Variants in ISX observed in about 807,000 individuals in gnomAD.
ISX encodes the protein intestine specific homeobox.
Under a neutral mutation model 16.9 loss-of-function variants are expected in ISX, and 15 were observed. The ratio of observed to expected loss-of-function variants is 0.89; its 90% CI spans 0.59 to 1.36. The LOEUF is 1.36. Among genes scored for constraint, ISX ranks in the 40% most tolerant of loss-of-function variants. The pLI, the probability that ISX is intolerant of heterozygous loss-of-function variation, is 0.00. For synonymous variants in ISX, 125 were observed against 119.7 expected (o/e 1.04, Z -0.29); for missense variants, 316 against 306.1 (o/e 1.03, Z -0.24).
intron 2 of ISX, among the ~76,000 whole-genome samples, chr22:35,076,906 G>A (rs567527035): frequency 6.6e-6 from 1 of 152,302 alleles, no homozygotes; most frequent in South Asian, 2.1e-4. Context: ...TGAAAAGGGT[G>A]GCAGTTCCCT....
At chr22:35,073,303 G>A (rs1053626472) in intron 2 of ISX, among the ~76,000 whole-genome samples, 11 of 152,122 alleles carry the variant, frequency 7.2e-5, no homozygotes, top group African/African-American at 2.7e-4. Flanking sequence ...GTAGAGCAGT[G>A]GTCCCCAAAC....
At chr22:35,071,180 C>T (rs910508601) in intron 2 of ISX, among the ~76,000 whole-genome samples, 3 of 152,172 alleles carry the variant, frequency 2.0e-5, no homozygotes, top group Admixed American at 2.0e-4. Flanking sequence ...AAATTCCAAA[C>T]CTTTCTTGCC....
At chr22:35,072,387 G>A (rs361851) in intron 2 of ISX, among the ~76,000 whole-genome samples, 65,480 of 152,136 alleles carry the variant, frequency 0.43, 14,543 homozygotes, top group East Asian at 0.76. Context: ...ATACAAGGAA[G>A]GGGAGGCAAT....
chr22:35,076,750 TA>T (rs1180890309), intron 2 of ISX, among the ~76,000 whole-genome samples: 6 of 152,350 alleles, frequency 3.9e-5, no homozygotes, highest in African/African-American at 1.4e-4. Flanking sequence ...TTAGGTGGCC[TA>T]ATCACCTGTG....
In ISX at chr22:35,079,499, C is replaced by T. The variant is rs141680732; in HGVS notation, c.230-3019C>T. ...AGCTGGTCTCAGATACAGTCAGTTACAGTCCCTACTCAGATACAGTCCCCA... is the reference window on the plus strand; with the variant it reads ...AGCTGGTCTCAGATACAGTCAGTTATAGTCCCTACTCAGATACAGTCCCCA... On this transcript the variant is annotated intron_variant, in intron 2 of 4. Transcript: ENST00000404699. Among the ~76,000 whole-genome samples the T allele has an allele frequency of 7.9e-4, 121 of 152,308 alleles. 1 individual carries two copies. In the East Asian group the frequency reaches 0.018, roughly 23 times the overall value.
Position 35,086,700 on chromosome 22 carries a change from G to A in ISX, c.*1007G>A, listed in dbSNP as rs971466852. ...ACATGAGAGTATTTTGCAAAGTGAG[G>A]GCAAGGCCCAGTGTGGAGTGATATT... On this transcript the variant is annotated 3_prime_UTR_variant, in exon 5 of 5. Transcript: ENST00000404699. The A allele has an allele frequency of 6.6e-6, 1 of 152,194 alleles. No homozygotes were observed. The highest frequency in any genetic ancestry group is 1.5e-5 in the Non-Finnish European group (1 of 68,038). The allele number at this position is 152,194 out of a possible 1,614,324, so 9.4% of individuals were successfully genotyped here. A position where few individuals can be genotyped will look rare whatever the true frequency, so the allele number is the denominator to read the frequency against.
At chr22:35,083,918 C>T (rs1376662416) in intron 3 of ISX, among the ~76,000 whole-genome samples, 1 of 152,242 alleles carries the variant, frequency 6.6e-6, no homozygotes, top group Non-Finnish European at 1.5e-5. Flanking sequence ...CCAAGAGGCC[C>T]CAGGGGTTGA....
Position 35,067,316 on chromosome 22 carries a change from GGTAA to G in ISX, c.229+3_229+6del, listed in dbSNP as rs1569110183. 5 of 1,555,990 alleles carry G rather than the reference GGTAA, an allele frequency of 3.2e-6. No homozygotes were observed. Among genetic ancestry groups the G allele is most frequent in the Non-Finnish European group, 3.5e-6 (4 of 1,147,586 alleles). On this transcript the variant is annotated splice_donor_variant and splice_donor_region_variant and intron_variant, in intron 2 of 4. Transcript: ENST00000404699. LOFTEE classifies it high-confidence loss of function. ...AAAGCCTCCAAAGGACCAGCCCCAGGGTAAGTGTCTTCTGATCATTTCTTTCTGT... is the reference window on the plus strand; with the variant it reads ...AAAGCCTCCAAAGGACCAGCCCCAGGGTGTCTTCTGATCATTTCTTTCTGT...
At position 35,085,542 on chromosome 22, in the gene ISX, G is replaced by T; in HGVS notation, c.587G>T (p.Trp196Leu). ...PSAQDQLASA[W>L]FPAWITLLPA... ...GCTCAAGATCAGCTGGCCTCTGCCT[G>T]GTTCCCTGCCTGGATCACCCTCCTC... Residue 196 changes from tryptophan to leucine, a missense_variant, in exon 5 of 5, where the codon TGG becomes TTG. Physicochemically the swap from Trp to Leu is moderately conservative, Grantham distance 61 (BLOSUM62 -2). Transcript: ENST00000404699. 6.2e-7 allele frequency: 1 copy of T among 1,614,172 alleles called. No individual in the cohort carries two copies. The highest frequency in any genetic ancestry group is 8.5e-7 in the Non-Finnish European group (1 of 1,180,032).
At position 35,067,329 on chromosome 22, in the gene ISX, T is replaced by C. The variant is rs2146285916; in HGVS notation, c.229+13T>C. 1 of 1,529,454 alleles carries C rather than the reference T, an allele frequency of 6.5e-7. No homozygotes were observed. The highest frequency in any genetic ancestry group is 8.9e-7 in the Non-Finnish European group (1 of 1,128,674). The allele number at this position is 1,529,454 out of a possible 1,614,324, so 94.7% of individuals were successfully genotyped here. A position where few individuals can be genotyped will look rare whatever the true frequency, so the allele number is the denominator to read the frequency against. ...GACCAGCCCCAGGGTAAGTGTCTTC[T>C]GATCATTTCTTTCTGTTTCCTGGTC... is the stretch of plus-strand genomic sequence containing the variant. On this transcript the variant is annotated intron_variant, in intron 2 of 4. Coordinates refer to ENST00000404699, the MANE Select transcript of ISX (RefSeq NM_001303508.2).
intron 2 of ISX, among the ~76,000 whole-genome samples, chr22:35,070,971 G>A (rs138986170): frequency 6.6e-6 from 1 of 152,344 alleles, no homozygotes; most frequent in African/African-American, 2.4e-5. Context: ...GTAGGCTTAT[G>A]TTCCAATAAA....
At chr22:35,067,440 C>T (rs561801527) in intron 2 of ISX, 124 bp downstream of exon 2, 7 of 686,382 alleles carry the variant, frequency 1.0e-5, no homozygotes, top group East Asian at 5.4e-5. Context: ...AGAGCAAGAC[C>T]TGGCTCTGGG....
chr22:35,080,707 C>T (rs927480045), intron 2 of ISX, among the ~76,000 whole-genome samples: 4 of 146,872 alleles, frequency 2.7e-5, no homozygotes, highest in African/African-American at 1.0e-4. Context: ...GAAAAATGTC[C>T]AGGATGAATT....
chr22:35,071,101 T>C (rs113226368), intron 2 of ISX, among the ~76,000 whole-genome samples: 1 of 152,188 alleles, frequency 6.6e-6, no homozygotes, highest in Non-Finnish European at 1.5e-5. Context: ...GCCCTGTTCA[T>C]CCCAGGCTCA....
intron 2 of ISX, among the ~76,000 whole-genome samples, chr22:35,067,675 C>G (rs1019536155): frequency 6.6e-6 from 1 of 152,210 alleles, no homozygotes; most frequent in African/African-American, 2.4e-5. Flanking sequence ...GATAAGAAAA[C>G]TCATCTGTGA....
chr22:35,068,848 A>G (rs142143263), intron 2 of ISX, among the ~76,000 whole-genome samples: 267 of 152,340 alleles, frequency 1.8e-3, no homozygotes, highest in African/African-American at 6.1e-3. Flanking sequence ...TCACTGTCAC[A>G]CTTGGGAGCC....
At position 35,066,893 on chromosome 22, in the gene ISX, C is replaced by G. The variant is rs1601554424; in HGVS notation, c.-195C>G. The G allele has an allele frequency of 1.7e-6, 1 of 579,354 alleles. No individual in the cohort carries two copies. The highest frequency in any genetic ancestry group is 2.9e-5 in the East Asian group (1 of 35,040). The allele number at this position is 579,354 out of a possible 1,614,324, so 35.9% of individuals were successfully genotyped here. On this transcript the variant is annotated 5_prime_UTR_variant, in exon 2 of 5. Coordinates refer to ENST00000404699, the MANE Select transcript of ISX (RefSeq NM_001303508.2). ...TGAGCCGTGGGCACAGGATACCACT[C>G]CTTCCAGCTCTTCTGCTGTGACCTG...
chr22:35,082,444 C>T lies in ISX; in HGVS notation c.230-74C>T, dbSNP rs1428212711. 9 of 1,472,658 alleles carry T rather than the reference C, an allele frequency of 6.1e-6. No homozygotes were observed. In the Admixed American group the frequency reaches 1.4e-4, roughly 22 times the overall value. 91.2% of individuals were successfully genotyped at this position (1,472,658 alleles called of 1,614,324 possible). ...GCAGCAGTGGGGTGGAAGGGTAGGACAAGGCAACACAAAAACCCCACCTAG... is the reference window on the plus strand; with the variant it reads ...GCAGCAGTGGGGTGGAAGGGTAGGATAAGGCAACACAAAAACCCCACCTAG... On this transcript the variant is annotated intron_variant, in intron 2 of 4. Coordinates refer to ENST00000404699, the MANE Select transcript of ISX (RefSeq NM_001303508.2).
chr22:35,081,697 A>G (rs1226327417), intron 2 of ISX, among the ~76,000 whole-genome samples: 2 of 152,180 alleles, frequency 1.3e-5, no homozygotes, highest in Non-Finnish European at 1.5e-5. Flanking sequence ...TGGGGTATCC[A>G]TGACTCTAAG....
Sources: gnomAD v4.1 joint callset for allele counts (sites outside exome capture counted in the v4.1 genomes callset) on GRCh38, gnomAD v4.1.1 for gene constraint, MANE v1.5 for transcripts, NCBI Gene and HGNC (gene_info 2026-07-23, HGNC 2026-07-21) for gene names.